Variants in CELF1 observed in about 807,000 individuals in gnomAD.
CELF1 encodes CUGBP Elav-like family member 1.
A neutral mutation model predicts 61.8 loss-of-function variants in CELF1; 10 were observed. The ratio of observed to expected loss-of-function variants is 0.16; its 90% CI spans 0.10 to 0.27. The LOEUF (loss-of-function observed/expected upper bound fraction) is 0.27. CELF1 is among the 10% of genes least tolerant of loss of function. CELF1 has a pLI of 1.00. For synonymous variants in CELF1, 236 were observed against 225.1 expected, an observed-to-expected ratio of 1.05 and a Z score of -0.43; for missense variants, 380 against 639.1, an observed-to-expected ratio of 0.59 and a Z score of 4.37.
chr11:47,507,661 A>G (rs554375916), intron 1 of CELF1, among the ~76,000 whole-genome samples: 1 of 152,362 alleles, frequency 6.6e-6, no homozygotes, highest in African/African-American at 2.4e-5. Context: ...ACTACAGACA[A>G]TAAACTATTC....
intron 2 of CELF1, among the ~76,000 whole-genome samples, chr11:47,563,495 G>C (rs954501881): frequency 3.3e-5 from 5 of 152,108 alleles, no homozygotes; most frequent in African/African-American, 1.2e-4. Flanking sequence ...AGAGCAGCCC[G>C]GCCAACATGG....
chr11:47,516,336 A>G (rs1474393424), intron 1 of CELF1, among the ~76,000 whole-genome samples: 2 of 152,242 alleles, frequency 1.3e-5, no homozygotes, highest in Non-Finnish European at 2.9e-5. Flanking sequence ...GATGACTTGC[A>G]GATTTAGCTA....
At chr11:47,489,341 C>T (rs2089701969) in intron 3 of CELF1, among the ~76,000 whole-genome samples, 1 of 151,988 alleles carries the variant, frequency 6.6e-6, no homozygotes, top group Admixed American at 6.6e-5. Flanking sequence ...ACTCCCAAAA[C>T]AAGATCAAGT....
chr11:47,484,772 G>A (rs376740075), intron 6 of CELF1, among the ~76,000 whole-genome samples: 6 of 152,124 alleles, frequency 3.9e-5, no homozygotes, highest in Non-Finnish European at 8.8e-5. Context: ...TCCGCCTCCC[G>A]GATTCAAGTG....
intron 14 of CELF1, 85 bp downstream of exon 14, chr11:47,473,003 T>A: frequency 6.8e-7 from 1 of 1,468,598 alleles, no homozygotes; most frequent in South Asian, 1.3e-5. Flanking sequence ...CACAAACTCA[T>A]ATTCAGATCT....
intron 1 of CELF1, among the ~76,000 whole-genome samples, chr11:47,510,385 T>C (rs372101474): frequency 4.1e-4 from 63 of 152,292 alleles, no homozygotes; most frequent in Non-Finnish European, 6.8e-4. Flanking sequence ...AGCTCTTACA[T>C]AGCACGTGCT....
chr11:47,554,731 G>A (rs1395209167), upstream of CELF1, among the ~76,000 whole-genome samples: 1 of 149,836 alleles, frequency 6.7e-6, no homozygotes, highest in Non-Finnish European at 1.5e-5. Context: ...GCGCGATCTC[G>A]GCTCACTGCA....
At chr11:47,485,928 G>A (rs1437874487) in intron 6 of CELF1, among the ~76,000 whole-genome samples, 11 of 147,444 alleles carry the variant, frequency 7.5e-5, no homozygotes, top group African/African-American at 2.2e-4. Flanking sequence ...TTGGGAGGCC[G>A]AGGCGGGCGG....
At chr11:47,490,406 A>G (rs1163116679) in intron 3 of CELF1, among the ~76,000 whole-genome samples, 4 of 150,800 alleles carry the variant, frequency 2.7e-5, no homozygotes, top group African/African-American at 9.8e-5. Context: ...TCTAATATCC[A>G]ATCCCAAACA....
intron 1 of CELF1, among the ~76,000 whole-genome samples, chr11:47,541,336 G>A (rs2096768316): frequency 6.6e-6 from 1 of 152,128 alleles, no homozygotes. Flanking sequence ...CAAGGAGAAA[G>A]TGGTGACAGT....
intron 1 of CELF1, chr11:47,523,238 T>A (rs2096049159): frequency 6.6e-6 from 1 of 152,000 alleles, no homozygotes; most frequent in Non-Finnish European, 1.5e-5. Context: ...CTAATCAGAG[T>A]GTCACTTACT....
intron 1 of CELF1, among the ~76,000 whole-genome samples, chr11:47,508,585 AAC>A (rs1407589407): frequency 1.0e-4 from 12 of 115,418 alleles, no homozygotes; most frequent in East Asian, 2.5e-4. Flanking sequence ...AAAAAAAAAA[AAC>A]CCAAAAGAAC....
chr11:47,513,409 T>C (rs921477304), intron 1 of CELF1, among the ~76,000 whole-genome samples: 2 of 149,030 alleles, frequency 1.3e-5, no homozygotes, highest in Non-Finnish European at 2.9e-5. Flanking sequence ...TTTTTGGGGG[T>C]TTTCCCCCCT....
Position 47,467,527 on chromosome 11 carries a change from T to G in CELF1, c.*4703A>C, listed in dbSNP as rs2076871262. The G allele has an allele frequency of 1.3e-5, 2 of 152,306 alleles. No individual in the cohort carries two copies. The highest frequency in any genetic ancestry group is 2.9e-5 in the Non-Finnish European group (2 of 68,114). 9.4% of individuals were successfully genotyped at this position (152,306 alleles called of 1,614,324 possible). ...TGTAAACAGTGTGAAGACTGTAGTA[T>G]TGTGCTTGTCACCTAGGAAAAGCGC... On this transcript the variant is annotated 3_prime_UTR_variant, in exon 15 of 15. Coordinates refer to ENST00000687097, the MANE Select transcript of CELF1 (RefSeq NM_001376376.1).
At chr11:47,559,840 A>G (rs1463665598) in intron 2 of CELF1, among the ~76,000 whole-genome samples, 1 of 151,916 alleles carries the variant, frequency 6.6e-6, no homozygotes, top group Admixed American at 6.6e-5. Flanking sequence ...CATCTCTACT[A>G]AAAATATAAA....
chr11:47,547,057 C>T lies in CELF1; in HGVS notation c.-154+5935G>A, dbSNP rs1210788796. Reference sequence around the variant, plus strand: ...TTTAGTCTGGGCAACAAAAGCGAAACTCCACCTCAAAAAAAAAAAAAAAAA... The same window carrying T: ...TTTAGTCTGGGCAACAAAAGCGAAATTCCACCTCAAAAAAAAAAAAAAAAA... On this transcript the variant is annotated intron_variant, in intron 1 of 14. Coordinates refer to ENST00000687097, the MANE Select transcript of CELF1 (RefSeq NM_001376376.1). Among the ~76,000 whole-genome samples, 7 of 35,138 alleles carry T rather than the reference C, an allele frequency of 2.0e-4. No individual in the cohort carries two copies. The East Asian group carries it at 6.6e-3, about 33-fold the overall frequency. 23.1% of individuals were successfully genotyped at this position (35,138 alleles called of 152,430 possible). A position where few individuals can be genotyped will look rare whatever the true frequency, so the allele number is the denominator to read the frequency against.
At chr11:47,530,980 C>T (rs1410627626) in intron 1 of CELF1, among the ~76,000 whole-genome samples, 3 of 152,080 alleles carry the variant, frequency 2.0e-5, no homozygotes, top group African/African-American at 4.8e-5. Context: ...GGCGTGGTAG[C>T]TCATGCCTGT....
In CELF1 at chr11:47,472,350, T is replaced by A; in HGVS notation, c.1425A>T (p.Val475=). The part of the protein sequence containing the change: ...QTNLSKCFGF[V]SYDNPVSAQA... ...GGGCCGAAACAGGATTGTCGTAACTTACAAAACCTGTGTGTCCAAGCAGAA... is the reference window on the plus strand; with the variant it reads ...GGGCCGAAACAGGATTGTCGTAACTAACAAAACCTGTGTGTCCAAGCAGAA... Residue 475 remains valine (V), a synonymous_variant, in exon 15 of 15, where the codon GTA becomes GTT. Transcript: ENST00000687097. 1 of 1,613,944 alleles carries A rather than the reference T, an allele frequency of 6.2e-7. No individual in the cohort carries two copies.
intron 2 of CELF1, among the ~76,000 whole-genome samples, chr11:47,562,707 GTTTT>G (rs369805932): frequency 2.0e-5 from 3 of 148,822 alleles, no homozygotes; most frequent in South Asian, 2.1e-4. Flanking sequence ...TTTTTGTTTT[GTTTT>G]GTTTTTTTTT....
Sources: allele counts gnomAD v4.1 joint callset (sites outside exome capture counted in the v4.1 genomes callset), GRCh38; gene constraint gnomAD v4.1.1; transcripts MANE v1.5; gene names NCBI Gene and HGNC (gene_info 2026-07-23, HGNC 2026-07-21).